The following CSMD3 variants were observed in gnomAD, a reference collection of about 807,000 sequenced individuals.
The protein encoded by CSMD3 is CUB and Sushi multiple domains 3, also known as CUB and sushi domain-containing protein 3.
A neutral mutation model predicts 435.2 loss-of-function variants in CSMD3; 177 were observed. That is an observed-to-expected ratio of 0.41 (90% CI 0.36 to 0.46). The LOEUF (loss-of-function observed/expected upper bound fraction) is 0.46. CSMD3 is among the 20% of genes least tolerant of loss of function. The pLI is 0.34. For synonymous variants in CSMD3, 1,656 were observed against 1,520.5 expected (o/e 1.09, Z -2.07); for missense variants, 4,265 against 4,504.6 (o/e 0.95, Z 1.52).
intron 3 of CSMD3, among the ~76,000 whole-genome samples, chr8:113,275,391 A>G (rs907445192): frequency 6.6e-6 from 1 of 152,108 alleles, no homozygotes; most frequent in Non-Finnish European, 1.5e-5. Context: ...CATAAGAATC[A>G]GTGAGTCTCT....
chr8:112,318,410 CTTGT>C (rs907290189), intron 47 of CSMD3, among the ~76,000 whole-genome samples: 9 of 152,022 alleles, frequency 5.9e-5, no homozygotes, highest in South Asian at 4.1e-4. Flanking sequence ...TGTTACTCTG[CTTGT>C]TTGTTTTTTC....
At chr8:113,084,120 G>A (rs1047929380) in intron 5 of CSMD3, among the ~76,000 whole-genome samples, 4 of 152,096 alleles carry the variant, frequency 2.6e-5, no homozygotes, top group African/African-American at 9.7e-5. Context: ...AATTCGCCAA[G>A]GAAAGGAAAT....
At chr8:112,282,272 G>C (rs1321187251) in intron 58 of CSMD3, among the ~76,000 whole-genome samples, 2 of 151,814 alleles carry the variant, frequency 1.3e-5, no homozygotes. Flanking sequence ...GTGTGTGTAT[G>C]CATGTGTAGG....
intron 7 of CSMD3, among the ~76,000 whole-genome samples, chr8:112,965,873 A>T (rs900953829): frequency 6.6e-6 from 1 of 151,934 alleles, no homozygotes; most frequent in Non-Finnish European, 1.5e-5. Flanking sequence ...CAAAAATGTG[A>T]TGAAATAAGG....
intron 12 of CSMD3, among the ~76,000 whole-genome samples, chr8:112,827,160 C>CAGATATATATATAT (rs2079709948): frequency 2.6e-5 from 1 of 38,706 alleles, no homozygotes; most frequent in African/African-American, 9.4e-5. Context: ...ACTAGGTTAC[C>CAGATATATATATAT]ATAAATATAT....
At chr8:112,744,823 G>A (rs2077391860) in intron 13 of CSMD3, among the ~76,000 whole-genome samples, 1 of 152,118 alleles carries the variant, frequency 6.6e-6, no homozygotes. Context: ...ACAGCAATGG[G>A]CAAGATGTGT....
intron 38 of CSMD3, among the ~76,000 whole-genome samples, chr8:112,360,304 G>A (rs1205784180): frequency 6.6e-6 from 1 of 151,890 alleles, no homozygotes; most frequent in East Asian, 1.9e-4. Flanking sequence ...AAATCCAGTA[G>A]CGACAGTTTC....
intron 13 of CSMD3, among the ~76,000 whole-genome samples, chr8:112,714,246 C>T (rs1220118847): frequency 2.1e-5 from 3 of 141,476 alleles, no homozygotes; most frequent in Admixed American, 2.1e-4. Context: ...AGCAAATGAA[C>T]AGAAAAAAAA....
intron 4 of CSMD3, among the ~76,000 whole-genome samples, chr8:113,170,476 G>A (rs1198529476): frequency 6.6e-6 from 1 of 151,996 alleles, no homozygotes; most frequent in Admixed American, 6.6e-5. Context: ...AAATGTTCTT[G>A]CTCTATATAG....
intron 65 of CSMD3, among the ~76,000 whole-genome samples, chr8:112,243,581 T>C (rs569237723): frequency 7.0e-4 from 106 of 152,152 alleles, no homozygotes; most frequent in African/African-American, 2.5e-3. Flanking sequence ...CCATTCAAAA[T>C]TGTGGCAAAT....
At chr8:113,160,360 G>C (rs1275146552) in intron 4 of CSMD3, among the ~76,000 whole-genome samples, 1 of 151,912 alleles carries the variant, frequency 6.6e-6, no homozygotes, top group African/African-American at 2.4e-5. Context: ...AGTTACAAGA[G>C]TGGAAATGAT....
chr8:112,738,305 G>C (rs1157364777), intron 13 of CSMD3, among the ~76,000 whole-genome samples: 1 of 151,626 alleles, frequency 6.6e-6, no homozygotes, highest in Non-Finnish European at 1.5e-5. Flanking sequence ...TGTCAAAGAC[G>C]CAGCTGTTTT....
chr8:112,911,675 G>C (rs2082418399), intron 10 of CSMD3, among the ~76,000 whole-genome samples: 1 of 128,172 alleles, frequency 7.8e-6, no homozygotes, highest in African/African-American at 2.9e-5. Flanking sequence ...GTGTATTTAT[G>C]TGTAATGTAT....
At chr8:112,670,321 A>G (rs2075627101) in intron 16 of CSMD3, among the ~76,000 whole-genome samples, 1 of 152,212 alleles carries the variant, frequency 6.6e-6, no homozygotes, top group Non-Finnish European at 1.5e-5. Flanking sequence ...AGAGAAAATT[A>G]GAAAAGGACC....
intron 8 of CSMD3, among the ~76,000 whole-genome samples, chr8:112,948,952 C>T (rs1237624860): frequency 2.0e-5 from 3 of 151,898 alleles, no homozygotes; most frequent in African/African-American, 7.2e-5. Context: ...CTTTGCCATC[C>T]ATGCTGGTGT....
At chr8:112,972,744 A>C (rs116929631) in intron 7 of CSMD3, among the ~76,000 whole-genome samples, 1 of 151,900 alleles carries the variant, frequency 6.6e-6, no homozygotes, top group Non-Finnish European at 1.5e-5. Context: ...ACTATTTTTT[A>C]AAAAATATCT....
intron 45 of CSMD3, among the ~76,000 whole-genome samples, chr8:112,329,231 G>A (rs1285294591): frequency 6.6e-6 from 1 of 152,070 alleles, no homozygotes; most frequent in African/African-American, 2.4e-5. Flanking sequence ...ATTGTCTCCT[G>A]TTAAACATAA....
At chr8:112,235,549 G>A (rs1240792709) in intron 67 of CSMD3, among the ~76,000 whole-genome samples, 1 of 151,094 alleles carries the variant, frequency 6.6e-6, no homozygotes, top group Non-Finnish European at 1.5e-5. Context: ...ATTTTTACAT[G>A]GTAAGTGTTC....
At chr8:112,683,518 C>A (rs983935764) in intron 15 of CSMD3, among the ~76,000 whole-genome samples, 1 of 151,930 alleles carries the variant, frequency 6.6e-6, no homozygotes, top group African/African-American at 2.4e-5. Context: ...CAAGTTACAG[C>A]AAATAGCAGG....
Sources: allele counts gnomAD v4.1 joint callset (sites outside exome capture counted in the v4.1 genomes callset), GRCh38; gene constraint gnomAD v4.1.1; transcripts MANE v1.5; gene names NCBI Gene and HGNC (gene_info 2026-07-23, HGNC 2026-07-21).